SPATA17: variants seen among roughly 807,000 people sequenced by gnomAD.
The protein encoded by SPATA17 is spermatogenesis-associated protein 17.
In SPATA17, 53 loss-of-function variants were observed where a neutral mutation model predicts 62.2. That is an observed-to-expected ratio of 0.85 (90% CI 0.68 to 1.07). The LOEUF (loss-of-function observed/expected upper bound fraction) is 1.07, where lower values mean the gene tolerates loss of function less well. Ranked by LOEUF, SPATA17 falls within the 50% of genes least tolerant of loss-of-function variation. SPATA17 has a pLI of 0.00. For missense variants in SPATA17, 466 were observed against 425.5 expected, an observed-to-expected ratio of 1.10 and a Z score of -0.84; for synonymous variants, 146 against 146.8, an observed-to-expected ratio of 0.99 and a Z score of 0.04.
At chr1:217,706,034 T>C (rs1422662013) in intron 5 of SPATA17, among the ~76,000 whole-genome samples, 1 of 152,220 alleles carries the variant, frequency 6.6e-6, no homozygotes, top group Non-Finnish European at 1.5e-5. Flanking sequence ...TGCAGCGTTA[T>C]TTCTGGACTC....
At chr1:217,835,047 G>A (rs757997308) in intron 9 of SPATA17, among the ~76,000 whole-genome samples, 6 of 152,130 alleles carry the variant, frequency 3.9e-5, no homozygotes, top group African/African-American at 9.7e-5. Flanking sequence ...AGGCTATACC[G>A]TATAGCCCAG....
intron 9 of SPATA17, among the ~76,000 whole-genome samples, chr1:217,835,055 C>T (rs1675230956): frequency 6.6e-6 from 1 of 152,016 alleles, no homozygotes; most frequent in Non-Finnish European, 1.5e-5. Context: ...CCGTATAGCC[C>T]AGGTGTGTAG....
At chr1:217,716,448 GT>G (rs1672005833) in intron 5 of SPATA17, among the ~76,000 whole-genome samples, 2 of 152,062 alleles carry the variant, frequency 1.3e-5, no homozygotes, top group Non-Finnish European at 2.9e-5. Flanking sequence ...TAATTTTAAA[GT>G]CACAATTAAT....
chr1:217,777,179 T>A (rs1430983997), intron 7 of SPATA17, among the ~76,000 whole-genome samples: 1 of 152,174 alleles, frequency 6.6e-6, no homozygotes, highest in Non-Finnish European at 1.5e-5. Flanking sequence ...TGATATATGT[T>A]GTGTTTCCAT....
chr1:217,665,218 GAAAT>G (rs1371405208), intron 3 of SPATA17: 3 of 152,126 alleles, frequency 2.0e-5, no homozygotes, highest in African/African-American at 7.2e-5. Context: ...TCGTACTAGA[GAAAT>G]AAAAAGTTAA....
intron 6 of SPATA17, among the ~76,000 whole-genome samples, chr1:217,770,445 A>G (rs1673410844): frequency 6.6e-6 from 1 of 152,186 alleles, no homozygotes; most frequent in Non-Finnish European, 1.5e-5. Flanking sequence ...TTATGGTAAA[A>G]TATGAAATTA....
rs553948484 is a variant in SPATA17 at position 217,719,486 on chromosome 1, G to A, written c.396-22489G>A. Among the ~76,000 whole-genome samples the A allele has an allele frequency of 1.2e-4, 19 of 152,252 alleles. No homozygotes were observed. In the East Asian group the frequency reaches 2.5e-3, roughly 20 times the overall value. ...TGCACATGGCTTTAAATTAAATACAGTAACAGATGCAACAATGGTACCATC... is the reference window on the plus strand; with the variant it reads ...TGCACATGGCTTTAAATTAAATACAATAACAGATGCAACAATGGTACCATC... On this transcript the variant is annotated intron_variant, in intron 5 of 10. Coordinates refer to ENST00000366933, the MANE Select transcript of SPATA17 (RefSeq NM_138796.4).
chr1:217,759,085 A>G (rs1446640999), intron 6 of SPATA17, among the ~76,000 whole-genome samples: 1 of 152,236 alleles, frequency 6.6e-6, no homozygotes, highest in Non-Finnish European at 1.5e-5. Flanking sequence ...GCCAAAGGCT[A>G]TTGTGAATAT....
At chr1:217,825,175 G>T (rs1213102003) in intron 9 of SPATA17, among the ~76,000 whole-genome samples, 3 of 151,452 alleles carry the variant, frequency 2.0e-5, no homozygotes, top group Admixed American at 6.6e-5. Context: ...GAAAAGCAAA[G>T]AAATCATTTA....
chr1:217,709,056 G>C (rs1332909181), intron 5 of SPATA17, among the ~76,000 whole-genome samples: 1 of 151,984 alleles, frequency 6.6e-6, no homozygotes, highest in Non-Finnish European at 1.5e-5. Flanking sequence ...AGCCATCTAT[G>C]ACAAACTCAC....
chr1:217,765,325 G>A (rs1434190032), intron 6 of SPATA17, among the ~76,000 whole-genome samples: 1 of 150,844 alleles, frequency 6.6e-6, no homozygotes, highest in African/African-American at 2.4e-5. Flanking sequence ...GAATAAATTT[G>A]CTATTCTTTT....
intron 6 of SPATA17, among the ~76,000 whole-genome samples, chr1:217,771,283 T>G (rs1673439319): frequency 6.6e-6 from 1 of 151,668 alleles, no homozygotes; most frequent in African/African-American, 2.4e-5. Flanking sequence ...CTCTAGAAAA[T>G]TATTGCTGAA....
At chr1:217,679,693 G>T (rs1367983566) in intron 4 of SPATA17, among the ~76,000 whole-genome samples, 2 of 152,182 alleles carry the variant, frequency 1.3e-5, no homozygotes, top group African/African-American at 4.8e-5. Flanking sequence ...TATGTGTAGG[G>T]TGTCAGGACA....
intron 5 of SPATA17, among the ~76,000 whole-genome samples, chr1:217,704,977 C>T (rs1265022264): frequency 1.3e-5 from 2 of 152,158 alleles, no homozygotes; most frequent in East Asian, 3.9e-4. Flanking sequence ...GAGAAATCAC[C>T]AAACAGATTT....
intron 5 of SPATA17, among the ~76,000 whole-genome samples, chr1:217,697,910 T>A (rs1167496826): frequency 2.0e-5 from 3 of 152,218 alleles, no homozygotes; most frequent in East Asian, 3.8e-4. Flanking sequence ...TATTCAACCT[T>A]TTGTGAAATC....
At chr1:217,861,996 T>C (rs1675905389) in intron 9 of SPATA17, among the ~76,000 whole-genome samples, 2 of 152,162 alleles carry the variant, frequency 1.3e-5, no homozygotes, top group South Asian at 2.1e-4. Flanking sequence ...TATTTTCACA[T>C]GTGTTTGTTA....
At chr1:217,812,555 CTG>C (rs201142143) in intron 9 of SPATA17, among the ~76,000 whole-genome samples, 1,575 of 152,122 alleles carry the variant, frequency 0.01, 11 homozygotes, top group Middle Eastern at 0.024. Context: ...GATTCTAAGT[CTG>C]TGTCTTAAAT....
At chr1:217,841,658 C>T (rs1293305126) in intron 9 of SPATA17, among the ~76,000 whole-genome samples, 1 of 151,880 alleles carries the variant, frequency 6.6e-6, no homozygotes, top group South Asian at 2.1e-4. Flanking sequence ...CACGGTGGCT[C>T]ATGCCTGTAA....
chr1:217,649,393 C>G (rs1353515674), intron 2 of SPATA17, among the ~76,000 whole-genome samples: 1 of 152,096 alleles, frequency 6.6e-6, no homozygotes, highest in Non-Finnish European at 1.5e-5. Context: ...GCAGGAGAAT[C>G]CCTTGAACCC....
Sources: allele counts gnomAD v4.1 joint callset (sites outside exome capture counted in the v4.1 genomes callset), GRCh38; gene constraint gnomAD v4.1.1; transcripts MANE v1.5; gene names NCBI Gene and HGNC (gene_info 2026-07-23, HGNC 2026-07-21).